CTNNA2: variants seen among roughly 807,000 people sequenced by gnomAD.
CTNNA2 encodes catenin alpha 2.
A neutral mutation model predicts 101.0 loss-of-function variants in CTNNA2; 42 were observed. The observed-to-expected ratio is 0.42, with a 90% CI of 0.32 to 0.54. CTNNA2 has a LOEUF of 0.54. Ranked by LOEUF, CTNNA2 falls within the 20% of genes least tolerant of loss-of-function variation. CTNNA2 has a pLI of 0.14. For missense variants in CTNNA2, 871 were observed against 1,223.1 expected (o/e 0.71, Z 4.29); for synonymous variants, 450 against 456.4 (o/e 0.99, Z 0.18).
rs370263011 is a variant in CTNNA2 at position 79,332,488 on chromosome 2, T to A, written c.-318+19692T>A. Among the ~76,000 whole-genome samples, 4 of 152,286 alleles carry A rather than the reference T, an allele frequency of 2.6e-5. No individual in the cohort carries two copies. The East Asian group carries it at 7.7e-4, about 29-fold the overall frequency. On this transcript the variant is annotated intron_variant, in intron 3 of 21. Coordinates refer to the CTNNA2 transcript ENST00000466387. ...GGGTCTCCTCCTAGCAACAATCACT[T>A]CCACTTCTCTCTCCTTGGGGAAAAT...
intron 3 of CTNNA2, among the ~76,000 whole-genome samples, chr2:79,793,441 G>A (rs539799554): frequency 1.3e-5 from 2 of 152,212 alleles, no homozygotes; most frequent in African/African-American, 4.8e-5. Context: ...TTTTATATTG[G>A]ACAGGAAACA....
chr2:80,300,278 TGG>T (rs770942821), intron 7 of CTNNA2, among the ~76,000 whole-genome samples: 2,542 of 71,048 alleles, frequency 0.036, 68 homozygotes, highest in Middle Eastern at 0.091. Context: ...GCTGGGGTGT[TGG>T]GGTGTGTGTG....
At chr2:79,826,835 G>T (rs568646784) in intron 3 of CTNNA2, among the ~76,000 whole-genome samples, 1 of 152,074 alleles carries the variant, frequency 6.6e-6, no homozygotes, top group Non-Finnish European at 1.5e-5. Flanking sequence ...TTTCATTTGG[G>T]CTTAAAGAGT....
At chr2:80,024,716 T>C (rs1162979641) in intron 7 of CTNNA2, among the ~76,000 whole-genome samples, 4 of 152,084 alleles carry the variant, frequency 2.6e-5, no homozygotes, top group Non-Finnish European at 4.4e-5. Flanking sequence ...TGGGAAAGAG[T>C]GTCTGCGACC....
chr2:79,639,789 A>C (rs1393648811), intron 1 of CTNNA2, among the ~76,000 whole-genome samples: 1 of 152,186 alleles, frequency 6.6e-6, no homozygotes, highest in African/African-American at 2.4e-5. Flanking sequence ...CTAGTAACAA[A>C]ATAAAAGCTA....
At chr2:79,308,399 A>G (rs1255129180) in intron 2 of CTNNA2, among the ~76,000 whole-genome samples, 1 of 152,040 alleles carries the variant, frequency 6.6e-6, no homozygotes, top group Non-Finnish European at 1.5e-5. Context: ...GAGATGTTTG[A>G]GCTTCTTGTA....
At chr2:80,327,269 A>G (rs1302801313) in intron 7 of CTNNA2, among the ~76,000 whole-genome samples, 1 of 152,238 alleles carries the variant, frequency 6.6e-6, no homozygotes, top group Non-Finnish European at 1.5e-5. Context: ...ACAGATTTGC[A>G]AACAGATCTC....
intron 4 of CTNNA2, among the ~76,000 whole-genome samples, chr2:79,395,160 C>A (rs750141234): frequency 6.6e-6 from 1 of 152,120 alleles, no homozygotes; most frequent in Non-Finnish European, 1.5e-5. Context: ...AAGGTCACCA[C>A]GATGCTATGT....
chr2:80,281,418 A>C (rs1674367548), intron 7 of CTNNA2, among the ~76,000 whole-genome samples: 1 of 152,150 alleles, frequency 6.6e-6, no homozygotes, highest in South Asian at 2.1e-4. Flanking sequence ...TAAGGGATTT[A>C]ATCACTGAAA....
intron 9 of CTNNA2, among the ~76,000 whole-genome samples, chr2:80,457,217 C>T (rs548841114): frequency 6.6e-6 from 1 of 152,106 alleles, no homozygotes; most frequent in South Asian, 2.1e-4. Context: ...GTGCCCACCA[C>T]CGCACCCAGT....
chr2:79,230,068 G>A (rs1298881383), intron 2 of CTNNA2, among the ~76,000 whole-genome samples: 1 of 152,152 alleles, frequency 6.6e-6, no homozygotes, highest in Non-Finnish European at 1.5e-5. Flanking sequence ...ATTTGCAGAT[G>A]GACAATGTGA....
At chr2:80,612,591 A>G (rs1573455047) in intron 17 of CTNNA2, among the ~76,000 whole-genome samples, 1 of 151,696 alleles carries the variant, frequency 6.6e-6, no homozygotes, top group Non-Finnish European at 1.5e-5. Context: ...AATAATATAT[A>G]TATGGTTTGT....
chr2:79,297,073 C>T (rs1393255060), intron 2 of CTNNA2, among the ~76,000 whole-genome samples: 3 of 152,142 alleles, frequency 2.0e-5, no homozygotes, highest in Admixed American at 6.6e-5. Flanking sequence ...TCTGCCCCTC[C>T]TCCACCCTTA....
chr2:80,379,847 C>G (rs1011573997), intron 7 of CTNNA2, among the ~76,000 whole-genome samples: 19 of 152,078 alleles, frequency 1.2e-4, no homozygotes, highest in Non-Finnish European at 8.8e-5. Flanking sequence ...TTTGTTATAA[C>G]TATCTCCTAT....
chr2:80,588,227 G>A (rs561572570), intron 14 of CTNNA2, among the ~76,000 whole-genome samples: 5 of 152,272 alleles, frequency 3.3e-5, no homozygotes, highest in South Asian at 2.1e-4. Flanking sequence ...GCACATGCCC[G>A]CCTTCTCGTG....
chr2:79,504,269 A>C (rs1671364315), intron 4 of CTNNA2, among the ~76,000 whole-genome samples: 1 of 151,976 alleles, frequency 6.6e-6, no homozygotes, highest in Admixed American at 6.6e-5. Flanking sequence ...ATAGTGGTTA[A>C]ATTTACAGTT....
chr2:79,903,961 G>T (rs1558628014), intron 6 of CTNNA2, among the ~76,000 whole-genome samples: 2 of 152,176 alleles, frequency 1.3e-5, no homozygotes, highest in East Asian at 1.9e-4. Context: ...ACTCAGAGGA[G>T]AGTGGCTTGG....
chr2:80,642,400 A>G (rs1328700432), intron 18 of CTNNA2, among the ~76,000 whole-genome samples: 6 of 152,076 alleles, frequency 3.9e-5, no homozygotes, highest in Non-Finnish European at 8.8e-5. Flanking sequence ...TTCTCATTGT[A>G]TTGTGAGCTC....
chr2:79,242,974 A>T (rs1674646774), intron 2 of CTNNA2, among the ~76,000 whole-genome samples: 1 of 73,076 alleles, frequency 1.4e-5, no homozygotes, highest in Non-Finnish European at 3.1e-5. Context: ...CTCGAAATAT[A>T]TATATATATA....
Sources: allele counts gnomAD v4.1 joint callset (sites outside exome capture counted in the v4.1 genomes callset), GRCh38; gene constraint gnomAD v4.1.1; transcripts MANE v1.5; gene names NCBI Gene and HGNC (gene_info 2026-07-23, HGNC 2026-07-21).